RPS6KA2: variants seen among roughly 807,000 people sequenced by gnomAD.
RPS6KA2 encodes ribosomal protein S6 kinase A2.
In RPS6KA2, 42 loss-of-function variants were observed where a neutral mutation model predicts 91.8. The observed-to-expected ratio is 0.46, with a 90% CI of 0.36 to 0.59. The LOEUF (loss-of-function observed/expected upper bound fraction) is 0.59. Ranked by LOEUF, RPS6KA2 falls within the 20% of genes least tolerant of loss-of-function variation. The pLI, the probability that RPS6KA2 is intolerant of heterozygous loss-of-function variation, is 0.00. For missense variants in RPS6KA2, 798 were observed against 978.5 expected, an observed-to-expected ratio of 0.82 and a Z score of 2.46; for synonymous variants, 414 against 393.6, an observed-to-expected ratio of 1.05 and a Z score of -0.61.
At chr6:166,702,958 AAC>A in intron 2 of RPS6KA2, 1 of 580,546 alleles carries the variant, frequency 1.7e-6, no homozygotes, top group Non-Finnish European at 3.1e-6. Context: ...AAAATACACA[AAC>A]ACAGTAAGAA....
At chr6:166,771,928 G>C (rs1008682947) in intron 2 of RPS6KA2, among the ~76,000 whole-genome samples, 4 of 152,298 alleles carry the variant, frequency 2.6e-5, no homozygotes, top group Admixed American at 2.6e-4. Context: ...TGCACTGCGG[G>C]TGCCCATTCT....
chr6:166,853,988 T>G (rs1341055577), intron 2 of RPS6KA2, among the ~76,000 whole-genome samples: 1 of 152,250 alleles, frequency 6.6e-6, no homozygotes, highest in Non-Finnish European at 1.5e-5. Flanking sequence ...GTCGCTATAC[T>G]GAGCCCCTTC....
At chr6:166,469,497 C>T (rs1267887025) in intron 11 of RPS6KA2, among the ~76,000 whole-genome samples, 1 of 152,112 alleles carries the variant, frequency 6.6e-6, no homozygotes, top group African/African-American at 2.4e-5. Context: ...AAGACAGTCA[C>T]TCCTGGAGCA....
chr6:166,565,853 G>A (rs550437318), intron 1 of RPS6KA2, among the ~76,000 whole-genome samples: 13 of 152,332 alleles, frequency 8.5e-5, no homozygotes, highest in Admixed American at 3.9e-4. Context: ...AGAGGTCACC[G>A]CTGGCCATTT....
chr6:166,430,611 C>G lies in RPS6KA2; in HGVS notation c.1423G>C (p.Val475Leu). 6.2e-7 allele frequency: 1 copy of G among 1,610,884 alleles called. No individual in the cohort carries two copies. The highest frequency in any genetic ancestry group is 8.5e-7 in the Non-Finnish European group (1 of 1,177,858). Residue 475 changes from valine (V) to leucine (L), a missense_variant and splice_region_variant, in exon 16 of 21, where the codon GTC becomes CTC. Transcript: ENST00000265678. Reference protein sequence around the residue: ...QHPNIITLKDVYDDGKFVYLV... With the variant: ...QHPNIITLKDLYDDGKFVYLV... ...TACACAAACTTGCCATCATCATAGA[C>G]CTGCGGAGTGGAGAAGGGGCGCACA... is the stretch of plus-strand genomic sequence containing the variant.
At chr6:166,469,816 G>T in intron 11 of RPS6KA2, 25 bp downstream of exon 11, 1 of 1,605,846 alleles carries the variant, frequency 6.2e-7, no homozygotes, top group Non-Finnish European at 8.5e-7. Flanking sequence ...GCGTGTGCAG[G>T]TGGGGACTGT....
chr6:166,811,453 C>T (rs1224125947), intron 2 of RPS6KA2, among the ~76,000 whole-genome samples: 7 of 152,158 alleles, frequency 4.6e-5, no homozygotes, highest in Non-Finnish European at 1.0e-4. Context: ...AGCAAGACTC[C>T]ATCTCTACAA....
intron 1 of RPS6KA2, among the ~76,000 whole-genome samples, chr6:166,559,411 T>A (rs750911137): frequency 1.3e-5 from 2 of 152,202 alleles, no homozygotes; most frequent in African/African-American, 2.4e-5. Context: ...ACGCAAACCT[T>A]CCGACACTTC....
chr6:166,750,790 C>G (rs1791257730), intron 2 of RPS6KA2, among the ~76,000 whole-genome samples: 1 of 152,202 alleles, frequency 6.6e-6, no homozygotes, highest in African/African-American at 2.4e-5. Flanking sequence ...GTCAGGAACT[C>G]TAGCTGAGAA....
rs567559726 is a variant in RPS6KA2, at chr6:166,552,626, G to A, written c.100-13842C>T. Among the ~76,000 whole-genome samples the A allele has an allele frequency of 4.5e-4, 68 of 152,212 alleles. No homozygotes were observed. In the South Asian group the frequency reaches 0.012, roughly 26 times the overall value. ...GTCCTGTTCTGCATCTGGACCACAC[G>A]CCTTGCCTGGGAGAGACTTCAGTGA... On this transcript the variant is annotated intron_variant, in intron 1 of 20. Coordinates refer to ENST00000265678, the MANE Select transcript of RPS6KA2 (RefSeq NM_021135.6).
chr6:166,748,522 CCCA>C (rs936022219), intron 2 of RPS6KA2, among the ~76,000 whole-genome samples: 5 of 151,464 alleles, frequency 3.3e-5, no homozygotes, highest in Non-Finnish European at 7.4e-5. Flanking sequence ...CCATGGGGGC[CCCA>C]CCTCCTCGGG....
chr6:166,716,054 A>AGG (rs1562398419), intron 2 of RPS6KA2, among the ~76,000 whole-genome samples: 1 of 31,676 alleles, frequency 3.2e-5, no homozygotes, highest in East Asian at 1.7e-3. Context: ...AAAAAAAAAA[A>AGG]AAAAAAAGAA....
chr6:166,507,915 C>G (rs1487115243), intron 5 of RPS6KA2, among the ~76,000 whole-genome samples: 1 of 146,676 alleles, frequency 6.8e-6, no homozygotes, highest in Non-Finnish European at 1.5e-5. Flanking sequence ...CACATACACA[C>G]CCCACACATC....
chr6:166,525,763 G>C (rs10214537), intron 3 of RPS6KA2, among the ~76,000 whole-genome samples: 12,627 of 152,264 alleles, frequency 0.083, 587 homozygotes, highest in East Asian at 0.17. Context: ...GCTGTCAGCA[G>C]GTGGAGAGCA....
rs183927536 is a variant in RPS6KA2 at position 166,461,427 on chromosome 6, G to A, written c.973-1876C>T. On this transcript the variant is annotated intron_variant, in intron 11 of 20. Transcript: ENST00000265678. ...CCCCACCCAGAGAGTCCTGAGAGCC[G>A]GGCTATTAAGAATCCTGCTGAAGTC... Among the ~76,000 whole-genome samples, 10 of 151,718 alleles carry A rather than the reference G, an allele frequency of 6.6e-5. 1 individual carries two copies. Among genetic ancestry groups the A allele is most frequent in the Admixed American group, 5.9e-4 (9 of 15,254 alleles).
chr6:166,449,611 C>G (rs941595984), intron 13 of RPS6KA2, among the ~76,000 whole-genome samples: 1 of 152,140 alleles, frequency 6.6e-6, no homozygotes. Flanking sequence ...AACTGCTACC[C>G]TAGGGTCCTG....
At chr6:166,757,646 A>G in intron 2 of RPS6KA2, 1 of 455,562 alleles carries the variant, frequency 2.2e-6, no homozygotes, top group Non-Finnish European at 4.4e-6. Flanking sequence ...GGCAGCCGCC[A>G]CTCCTTTTAT....
At chr6:166,542,853 C>A (rs867065049) in intron 1 of RPS6KA2, among the ~76,000 whole-genome samples, 6 of 151,968 alleles carry the variant, frequency 3.9e-5, no homozygotes, top group South Asian at 2.1e-4. Context: ...ATAAAAAGTG[C>A]AAATTAAAAG....
At chr6:166,851,297 C>T (rs773691252) in intron 2 of RPS6KA2, among the ~76,000 whole-genome samples, 1 of 152,204 alleles carries the variant, frequency 6.6e-6, no homozygotes, top group Non-Finnish European at 1.5e-5. Context: ...TGGATCTCAT[C>T]GCCTTCTCCA....
Sources: gnomAD v4.1 joint callset for allele counts (sites outside exome capture counted in the v4.1 genomes callset) on GRCh38, gnomAD v4.1.1 for gene constraint, MANE v1.5 for transcripts, NCBI Gene and HGNC (gene_info 2026-07-23, HGNC 2026-07-21) for gene names.